PTPRS: variants seen among roughly 807,000 people sequenced by gnomAD.
PTPRS encodes the protein protein tyrosine phosphatase receptor type S, also known as receptor-type tyrosine-protein phosphatase S.
In PTPRS, 63 loss-of-function variants were observed where a neutral mutation model predicts 215.3. That is an observed-to-expected ratio of 0.29 (90% CI 0.24 to 0.36). The LOEUF (loss-of-function observed/expected upper bound fraction) is 0.36. PTPRS is among the 10% of genes least tolerant of loss of function. PTPRS has a pLI of 1.00. For synonymous variants in PTPRS, 1,404 were observed against 1,191.4 expected, an observed-to-expected ratio of 1.18 and a Z score of -3.68; for missense variants, 2,258 against 2,825.8, an observed-to-expected ratio of 0.80 and a Z score of 4.56.
At chr19:5,214,282 T>G (rs899478094) in intron 30 of PTPRS, 79 bp downstream of exon 30, 2 of 1,594,730 alleles carry the variant, frequency 1.3e-6, no homozygotes, top group Admixed American at 1.7e-5. Context: ...GGGAGCTCCC[T>G]GGGTAGAAGC....
intron 1 of PTPRS, among the ~76,000 whole-genome samples, chr19:5,336,796 C>T (rs144172665): frequency 0.085 from 5,141 of 60,664 alleles, 195 homozygotes; most frequent in South Asian, 0.28. Context: ...GAGGGTGGGG[C>T]GGCGGCGGGT....
At chr19:5,238,663 T>C (rs539042101) in intron 13 of PTPRS, among the ~76,000 whole-genome samples, 7 of 152,228 alleles carry the variant, frequency 4.6e-5, no homozygotes, top group Non-Finnish European at 8.8e-5. Context: ...CACTTCTCCT[T>C]GACCCCAAGT....
Position 5,239,063 on chromosome 19 carries a change from C to G in PTPRS, c.1705G>C (p.Val569Leu). The change falls in exon 13 of 38, where the codon GTG (valine) becomes CTG (leucine). Residue 569 changes from valine (V) to leucine (L), a missense_variant and splice_region_variant. By Grantham distance (32) the Val-to-Leu change is conservative. This residue lies in a region of PTPRS where 371 missense variants were observed against 446.7 expected (regional missense o/e 0.83). Transcript: ENST00000262963. Reference sequence around the variant, plus strand: ...GTCGTCGGGTCGAAGGTCCTTCCCACCTGGGGGCAGGGCAGAGAAGGACAG... The same window carrying G: ...GTCGTCGGGTCGAAGGTCCTTCCCAGCTGGGGGCAGGGCAGAGAAGGACAG... ...LFREGDHGRE[V>L]GRTFDPTTSY... 2 of 1,611,132 alleles carry G rather than the reference C, an allele frequency of 1.2e-6. No homozygotes were observed. The highest frequency in any genetic ancestry group is 2.2e-5 in the East Asian group (1 of 44,608).
Position 5,263,902 on chromosome 19 carries a change from C to CG in PTPRS, c.569-931dup, listed in dbSNP as rs1426002012. On this transcript the variant is annotated intron_variant, in intron 5 of 37. Coordinates refer to ENST00000262963, the MANE Select transcript of PTPRS (RefSeq NM_002850.4). ...AGGCCTGCACACCTGTGCCCACAGG[C>CG]GGGAGGCAGGCCAGGCCGGCACAGG... Among the ~76,000 whole-genome samples, 3 of 152,192 alleles carry CG rather than the reference C, an allele frequency of 2.0e-5. No individual in the cohort carries two copies. The East Asian group carries it at 5.8e-4, about 29-fold the overall frequency.
At position 5,208,281 on chromosome 19, in the gene PTPRS, A is replaced by C; in HGVS notation, c.5598T>G (p.Thr1866=). 1 of 1,613,456 alleles carries C rather than the reference A, an allele frequency of 6.2e-7. No homozygotes were observed. Among genetic ancestry groups the C allele is most frequent in the Non-Finnish European group, 8.5e-7 (1 of 1,179,614 alleles). The change falls in exon 36 of 38, where the codon ACT becomes ACG. Residue 1866 remains threonine (T), a synonymous_variant. Coordinates refer to ENST00000262963, the MANE Select transcript of PTPRS (RefSeq NM_002850.4). ...FIDFIGQVHK[T]KEQFGQDGPI... ...GGCCGTCCTGGCCAAACTGCTCCTT[A>C]GTCTTATGCACTTGGCCAATGAAGT...
At chr19:5,337,653 G>C (rs1403767595) in intron 1 of PTPRS, among the ~76,000 whole-genome samples, 2 of 152,206 alleles carry the variant, frequency 1.3e-5, no homozygotes, top group Non-Finnish European at 2.9e-5. Context: ...GGGAAACCCA[G>C]GCAGAGCCCC....
rs771271942 is a variant in PTPRS at position 5,219,465 on chromosome 19, G to A, written c.3768C>T (p.Thr1256=). 1 of 1,573,346 alleles carries A rather than the reference G, an allele frequency of 6.4e-7. No individual in the cohort carries two copies. The highest frequency in any genetic ancestry group is 8.6e-7 in the Non-Finnish European group (1 of 1,160,692). Residue 1256 remains threonine, a splice_region_variant and synonymous_variant, in exon 23 of 38, where the codon ACC becomes ACT. Transcript: ENST00000262963. Reference sequence around the variant, plus strand: ...GGTCTGAGAAGGGACTGGCTGCAAAGGTCTGCAGGGAAAGGAGGGGGGTCT... The same window carrying A: ...GGTCTGAGAAGGGACTGGCTGCAAAAGTCTGCAGGGAAAGGAGGGGGGTCT... ...VLAVLQKSEP[T]FAASPFSDPF...
chr19:5,308,913 G>A (rs1282776294), intron 1 of PTPRS, among the ~76,000 whole-genome samples: 2 of 152,084 alleles, frequency 1.3e-5, no homozygotes, highest in Non-Finnish European at 2.9e-5. Context: ...GCTCCCTCCC[G>A]TTCCTCTCCC....
chr19:5,222,542 G>A (rs1161614344), intron 18 of PTPRS, 147 bp downstream of exon 18: 92 of 960,536 alleles, frequency 9.6e-5, no homozygotes, highest in Non-Finnish European at 1.1e-4. Context: ...TGCCAACGCC[G>A]GAGCCTCGGG....
chr19:5,238,145 G>C (rs554845964), intron 13 of PTPRS, among the ~76,000 whole-genome samples: 3 of 152,184 alleles, frequency 2.0e-5, no homozygotes, highest in Non-Finnish European at 2.9e-5. Context: ...TGGGCTGAGC[G>C]GAGCCAGGGA....
chr19:5,238,453 G>A (rs1015354803), intron 13 of PTPRS, among the ~76,000 whole-genome samples: 2 of 152,162 alleles, frequency 1.3e-5, no homozygotes, highest in Non-Finnish European at 2.9e-5. Context: ...GAGGAAGACC[G>A]ACGGGGAAGG....
chr19:5,279,366 C>T (rs934320331), intron 2 of PTPRS, among the ~76,000 whole-genome samples: 4 of 141,108 alleles, frequency 2.8e-5, no homozygotes, highest in Non-Finnish European at 6.4e-5. Flanking sequence ...TTTATTTTTT[C>T]TTCTTCTTCT....
chr19:5,328,577 T>C (rs1237193138), intron 1 of PTPRS, among the ~76,000 whole-genome samples: 1 of 152,076 alleles, frequency 6.6e-6, no homozygotes, highest in Non-Finnish European at 1.5e-5. Context: ...ATTCATCAGC[T>C]CAGAGAGGGT....
rs142691000 is a variant in PTPRS, at chr19:5,244,509, G to A, written c.989-27C>T. The A allele has an allele frequency of 3.8e-6, 6 of 1,582,644 alleles. No homozygotes were observed. The highest frequency in any genetic ancestry group is 2.7e-5 in the African/African-American group (2 of 74,460). On this transcript the variant is annotated intron_variant, in intron 10 of 37. Coordinates refer to ENST00000262963, the MANE Select transcript of PTPRS (RefSeq NM_002850.4). The surrounding 1 kb of genome is among the most constrained non-coding windows in gnomAD (Gnocchi z 7.2). ...TGTGGGCAGGAGGCAGCTGTGTCAC[G>A]CATTGGGCACATTGGTTGAGGACCC...
chr19:5,216,036 G>A (rs1196940583), intron 26 of PTPRS, among the ~76,000 whole-genome samples: 1 of 152,146 alleles, frequency 6.6e-6, no homozygotes, highest in Admixed American at 6.5e-5. Flanking sequence ...TTGGGTGGGC[G>A]ACTGACACCC....
chr19:5,299,832 T>G (rs1321020672), intron 1 of PTPRS, among the ~76,000 whole-genome samples: 2 of 151,922 alleles, frequency 1.3e-5, no homozygotes, highest in Non-Finnish European at 2.9e-5. Context: ...ATCGCGCCAT[T>G]GCACTCCAGC....
intron 9 of PTPRS, among the ~76,000 whole-genome samples, chr19:5,249,122 C>T (rs148341890): frequency 1.1e-3 from 167 of 152,240 alleles, no homozygotes; most frequent in African/African-American, 3.6e-3. Context: ...ACCAGCCTGG[C>T]CAACATGGCA....
At chr19:5,275,743 C>T (rs983767720) in intron 2 of PTPRS, among the ~76,000 whole-genome samples, 1 of 152,082 alleles carries the variant, frequency 6.6e-6, no homozygotes. Context: ...GAGATGGAGG[C>T]TGCAGTGAGC....
At chr19:5,326,210 G>A (rs1320852662) in intron 1 of PTPRS, among the ~76,000 whole-genome samples, 2 of 152,124 alleles carry the variant, frequency 1.3e-5, no homozygotes, top group African/African-American at 2.4e-5. Flanking sequence ...CAGCCTGGGC[G>A]ACAGAGTGAG....
Sources: allele counts gnomAD v4.1 joint callset (sites outside exome capture counted in the v4.1 genomes callset), GRCh38; gene constraint gnomAD v4.1.1; regional missense constraint gnomAD v4.1.1; non-coding constraint Gnocchi (gnomAD v3.1); transcripts MANE v1.5; gene names NCBI Gene and HGNC (gene_info 2026-07-23, HGNC 2026-07-21).